The following USP14 variants were observed in gnomAD, a reference collection of about 807,000 sequenced individuals.
USP14 encodes the protein ubiquitin carboxyl-terminal hydrolase 14.
USP14 carries 38 observed loss-of-function variants against 76.5 expected under a neutral mutation model. The observed-to-expected ratio is 0.50, with a 90% CI of 0.38 to 0.65. The LOEUF (loss-of-function observed/expected upper bound fraction) is 0.65. Ranked by LOEUF, USP14 falls within the 30% of genes least tolerant of loss-of-function variation. The pLI is 0.00. For synonymous variants in USP14, 192 were observed against 191.7 expected, an observed-to-expected ratio of 1.00 and a Z score of -0.01; for missense variants, 467 against 586.5, an observed-to-expected ratio of 0.80 and a Z score of 2.10.
At position 179,033 on chromosome 18, in the gene USP14, C is replaced by T. The variant is rs776111042; in HGVS notation, c.296C>T (p.Ser99Phe). The T allele has an allele frequency of 6.2e-7, 1 of 1,605,416 alleles. No individual in the cohort carries two copies. The highest frequency in any genetic ancestry group is 8.5e-7 in the Non-Finnish European group (1 of 1,176,920). ...VEDMTEEQLA[S>F]AMELPCGLTN... ...GACATGACAGAAGAACAGTTAGCAT[C>T]TGCTGTAAGACACACCAGATTTTAT... Residue 99 changes from serine (S) to phenylalanine (F), a missense_variant, in exon 4 of 16, where the codon TCT (serine) becomes TTT (phenylalanine). Coordinates refer to ENST00000261601, the MANE Select transcript of USP14 (RefSeq NM_005151.4).
In USP14 at chr18:159,956, A is replaced by G. The variant is rs138622253; in HGVS notation, c.16+1242A>G. On this transcript the variant is annotated intron_variant, in intron 1 of 15. Coordinates refer to ENST00000261601, the MANE Select transcript of USP14 (RefSeq NM_005151.4). Reference sequence around the variant, plus strand: ...ATTTTGAGGGTCAGCAAAAAGCTCTATATTAAAATGAAGAGAACATTTTAA... The same window carrying G: ...ATTTTGAGGGTCAGCAAAAAGCTCTGTATTAAAATGAAGAGAACATTTTAA... 1.1e-3 allele frequency among the ~76,000 whole-genome samples: 172 copies of G among 152,350 alleles called. 2 individuals are homozygous for G. The highest frequency in any genetic ancestry group is 9.6e-3 in the East Asian group (50 of 5,190).
At chr18:185,157 A>AT (rs1320016515) in intron 5 of USP14, among the ~76,000 whole-genome samples, 2 of 148,218 alleles carry the variant, frequency 1.3e-5, no homozygotes, top group Non-Finnish European at 3.0e-5. Flanking sequence ...TTTTTTTCTT[A>AT]TTTTTTATTT....
At chr18:196,005 T>C (rs372258751) in intron 6 of USP14, among the ~76,000 whole-genome samples, 15 of 151,944 alleles carry the variant, frequency 9.9e-5, no homozygotes, top group African/African-American at 3.6e-4. Flanking sequence ...AGTCCAACAA[T>C]TGTCAAAGAG....
intron 5 of USP14, among the ~76,000 whole-genome samples, chr18:186,732 A>G (rs1414928985): frequency 6.6e-6 from 1 of 152,140 alleles, no homozygotes; most frequent in Non-Finnish European, 1.5e-5. Flanking sequence ...AGCCTGGGTG[A>G]CAGAGGGAGA....
At chr18:190,082 G>A (rs1910044927) in intron 5 of USP14, among the ~76,000 whole-genome samples, 1 of 152,118 alleles carries the variant, frequency 6.6e-6, no homozygotes, top group Non-Finnish European at 1.5e-5. Context: ...TCTGGCTCAT[G>A]ATGTTTAGTG....
intron 3 of USP14, among the ~76,000 whole-genome samples, chr18:173,927 C>A (rs1449612301): frequency 3.9e-5 from 6 of 152,138 alleles, no homozygotes; most frequent in African/African-American, 1.4e-4. Context: ...TTTATATGTA[C>A]CTTTGTACCA....
intron 2 of USP14, among the ~76,000 whole-genome samples, chr18:165,139 G>A (rs1909232851): frequency 6.6e-6 from 1 of 152,054 alleles, no homozygotes; most frequent in Non-Finnish European, 1.5e-5. Flanking sequence ...GGTAGAGACA[G>A]TGTTTCACCA....
At chr18:187,309 ATG>A (rs1298072838) in intron 5 of USP14, among the ~76,000 whole-genome samples, 1 of 152,090 alleles carries the variant, frequency 6.6e-6, no homozygotes, top group Non-Finnish European at 1.5e-5. Flanking sequence ...GATTTTCGAT[ATG>A]TGTTTGTATT....
At chr18:204,803 T>A in intron 13 of USP14, 111 bp downstream of exon 13, 17 of 1,152,890 alleles carry the variant, frequency 1.5e-5, no homozygotes, top group African/African-American at 2.2e-5. Flanking sequence ...AACTATACTT[T>A]GTATAGTATT....
intron 1 of USP14, among the ~76,000 whole-genome samples, chr18:161,170 C>T (rs1490922720): frequency 1.3e-5 from 2 of 152,192 alleles, no homozygotes; most frequent in Non-Finnish European, 2.9e-5. Context: ...TCAGGTGATC[C>T]ACCTGCCTTG....
intron 5 of USP14, among the ~76,000 whole-genome samples, chr18:187,634 CTG>C (rs995978084): frequency 2.0e-4 from 31 of 152,160 alleles, no homozygotes; most frequent in African/African-American, 7.5e-4. Context: ...TTATTTCCAA[CTG>C]TTTTGAATTT....
At chr18:197,485 A>T in intron 7 of USP14, 131 bp from the exon 8 acceptor site, 1 of 641,252 alleles carries the variant, frequency 1.6e-6, no homozygotes, top group Non-Finnish European at 2.7e-6. Context: ...GGAAGATCGT[A>T]TGTCTTATTT....
intron 5 of USP14, among the ~76,000 whole-genome samples, chr18:190,214 C>G (rs1910049255): frequency 2.0e-5 from 3 of 152,086 alleles, no homozygotes. Flanking sequence ...GGTTTATGTT[C>G]AGTTTTTGGT....
chr18:173,701 G>T (rs1909542482), intron 3 of USP14, among the ~76,000 whole-genome samples: 1 of 152,210 alleles, frequency 6.6e-6, no homozygotes, highest in Non-Finnish European at 1.5e-5. Flanking sequence ...GGGATTACAG[G>T]TGTGAGCCAC....
rs547509254 is a variant in USP14, at chr18:202,025, T to A, written c.877-855T>A. On this transcript the variant is annotated intron_variant, in intron 10 of 15. Coordinates refer to ENST00000261601, the MANE Select transcript of USP14 (RefSeq NM_005151.4). ...CCTTTTGTAATATGATTAGTAATTT[T>A]AAAAAATCAGACTTTAAAATTATAC... 1.1e-4 allele frequency among the ~76,000 whole-genome samples: 16 copies of A among 152,348 alleles called. No homozygotes were observed. The South Asian group carries it at 2.7e-3, about 26-fold the overall frequency.
At chr18:206,085 AGTT>A (rs1386600457) in intron 13 of USP14, among the ~76,000 whole-genome samples, 1 of 152,232 alleles carries the variant, frequency 6.6e-6, no homozygotes, top group Non-Finnish European at 1.5e-5. Flanking sequence ...CTAGGAATGC[AGTT>A]GTTAGATTGC....
At chr18:196,425 G>GTATCATTAAAAAA in intron 6 of USP14, 1 of 369,360 alleles carries the variant, frequency 2.7e-6, no homozygotes, top group South Asian at 3.6e-5. Context: ...TCTGGAGGCT[G>GTATCATTAAAAAA]AGGCAGGAGA....
intron 1 of USP14, among the ~76,000 whole-genome samples, chr18:161,001 C>T (rs970302103): frequency 1.3e-5 from 2 of 152,108 alleles, no homozygotes; most frequent in African/African-American, 4.8e-5. Context: ...GATGTTGGCT[C>T]ACTGCGACCT....
At chr18:175,876 G>T (rs1468834699) in intron 3 of USP14, among the ~76,000 whole-genome samples, 1 of 152,026 alleles carries the variant, frequency 6.6e-6, no homozygotes, top group East Asian at 1.9e-4. Context: ...TGGGTTTGGA[G>T]TTTTCTTTGT....
Sources: gnomAD v4.1 joint callset for allele counts (sites outside exome capture counted in the v4.1 genomes callset) on GRCh38, gnomAD v4.1.1 for gene constraint, MANE v1.5 for transcripts, NCBI Gene and HGNC (gene_info 2026-07-23, HGNC 2026-07-21) for gene names.